The following NCKAP1L variants were observed in gnomAD, a reference collection of about 807,000 sequenced individuals.
NCKAP1L encodes NCK associated protein 1 like.
In NCKAP1L, 53 loss-of-function variants were observed where a neutral mutation model predicts 139.2. The observed-to-expected ratio is 0.38, with a 90% CI of 0.31 to 0.48. The LOEUF is 0.48. Ranked by LOEUF, NCKAP1L falls within the 20% of genes least tolerant of loss-of-function variation. NCKAP1L has a pLI of 0.98. For missense variants in NCKAP1L, 1,151 were observed against 1,381.9 expected (o/e 0.83, Z 2.65); for synonymous variants, 468 against 499.7 (o/e 0.94, Z 0.85).
chr12:54,538,193 C>T (rs1219423185), intron 29 of NCKAP1L, among the ~76,000 whole-genome samples: 2 of 152,188 alleles, frequency 1.3e-5, no homozygotes, highest in Admixed American at 6.5e-5. Context: ...AAGTACATGT[C>T]AGGGATCATA....
rs1956873490 is a variant in NCKAP1L at position 54,509,862 on chromosome 12, C to T, written c.612C>T (p.Ala204=). The T allele has an allele frequency of 1.2e-6, 2 of 1,614,058 alleles. No individual in the cohort carries two copies. Among genetic ancestry groups the T allele is most frequent in the African/African-American group, 2.7e-5 (2 of 74,908 alleles). Residue 204 remains alanine (A), a synonymous_variant, in exon 7 of 31, where the codon GCC becomes GCT. Coordinates refer to ENST00000293373, the MANE Select transcript of NCKAP1L (RefSeq NM_005337.5). Reference sequence around the variant, plus strand: ...TTTCCCCACAGGCTGTGAGTGGAGCCCTCCTCTCTTTGCATTTCCTCTTTG... The same window carrying T: ...TTTCCCCACAGGCTGTGAGTGGAGCTCTCCTCTCTTTGCATTTCCTCTTTG... The part of the protein sequence containing the change: ...FGPHTKAVSG[A]LLSLHFLFVR...
intron 20 of NCKAP1L, 123 bp downstream of exon 20, chr12:54,524,079 C>A: frequency 9.8e-7 from 1 of 1,016,326 alleles, no homozygotes; most frequent in Non-Finnish European, 1.4e-6. Flanking sequence ...GGTCATGCCA[C>A]ACGGTGGAGA....
At chr12:54,535,844 G>A (rs1957109707) in intron 27 of NCKAP1L, among the ~76,000 whole-genome samples, 1 of 152,154 alleles carries the variant, frequency 6.6e-6, no homozygotes, top group Non-Finnish European at 1.5e-5. Context: ...GCAGTGGACA[G>A]GCATCCTAGG....
intron 26 of NCKAP1L, among the ~76,000 whole-genome samples, chr12:54,534,323 G>A (rs1461697011): frequency 2.6e-5 from 4 of 152,238 alleles, no homozygotes; most frequent in African/African-American, 4.8e-5. Context: ...CACTTAATAA[G>A]TGGTGTTGCT....
Position 54,545,487 on chromosome 12 carries a change from G to C in NCKAP1L, c.*2802G>C, listed in dbSNP as rs954051276. ...AGAAGGAGCAAATTGGAGAAGGTGAGGACATGATGGCCTTTACTACCGGAA... is the reference window on the plus strand; with the variant it reads ...AGAAGGAGCAAATTGGAGAAGGTGACGACATGATGGCCTTTACTACCGGAA... On this transcript the variant is annotated 3_prime_UTR_variant, in exon 31 of 31. Coordinates refer to ENST00000293373, the MANE Select transcript of NCKAP1L (RefSeq NM_005337.5). 1 of 152,196 alleles carries C rather than the reference G, an allele frequency of 6.6e-6. No homozygotes were observed. The highest frequency in any genetic ancestry group is 6.5e-5 in the Admixed American group (1 of 15,284). The allele number at this position is 152,196 out of a possible 1,614,324, so 9.4% of individuals were successfully genotyped here. A position where few individuals can be genotyped will look rare whatever the true frequency, so the allele number is the denominator to read the frequency against.
Position 54,520,833 on chromosome 12 carries a change from A to G in NCKAP1L, c.1758+7A>G, listed in dbSNP as rs1246184927. 2 of 1,614,090 alleles carry G rather than the reference A, an allele frequency of 1.2e-6. No individual in the cohort carries two copies. The highest frequency in any genetic ancestry group is 2.2e-5 in the East Asian group (1 of 44,872). On this transcript the variant is annotated splice_region_variant and intron_variant, in intron 17 of 30. Coordinates refer to ENST00000293373, the MANE Select transcript of NCKAP1L (RefSeq NM_005337.5). ...TGAGATGTGCCCAGAGGAGGTAGGT[A>G]TCCTGATCTCCAGACCCTGTCATCT...
chr12:54,500,726 T>C, intron 3 of NCKAP1L, 101 bp downstream of exon 3: 1 of 778,482 alleles, frequency 1.3e-6, no homozygotes. Context: ...CTTGAAAAAA[T>C]GAGAGAGATG....
rs74091308 is a variant in NCKAP1L at position 54,519,549 on chromosome 12, G to A, written c.1625+217G>A. 2.3e-3 allele frequency among the ~76,000 whole-genome samples: 351 copies of A among 151,018 alleles called. 1 individual carries two copies. The highest frequency in any genetic ancestry group is 8.1e-3 in the African/African-American group (332 of 41,020). ...CTCCTAAGTAGCTGGGATTACAGGC[G>A]AGAGCCACCAAGCTCTGAACCAGAG... On this transcript the variant is annotated intron_variant, in intron 16 of 30. Coordinates refer to ENST00000293373, the MANE Select transcript of NCKAP1L (RefSeq NM_005337.5).
At chr12:54,521,310 T>A in intron 18 of NCKAP1L, 72 bp downstream of exon 18, 3 of 1,582,970 alleles carry the variant, frequency 1.9e-6, no homozygotes, top group Non-Finnish European at 2.6e-6. Context: ...TCTAACTTTG[T>A]TTCCCTCTCA....
chr12:54,508,584 G>A, intron 5 of NCKAP1L, 53 bp downstream of exon 5: 1 of 1,565,242 alleles, frequency 6.4e-7, no homozygotes, highest in Non-Finnish European at 8.8e-7. Flanking sequence ...GTGCTATGAT[G>A]TAGAGAGTCC....
chr12:54,504,576 G>A (rs1956826432), intron 3 of NCKAP1L, among the ~76,000 whole-genome samples: 2 of 152,192 alleles, frequency 1.3e-5, no homozygotes, highest in African/African-American at 2.4e-5. Context: ...TGAGCCCAAG[G>A]TGTTTGGTAC....
At chr12:54,516,638 G>T (rs1346636081) in intron 10 of NCKAP1L, among the ~76,000 whole-genome samples, 1 of 151,994 alleles carries the variant, frequency 6.6e-6, no homozygotes, top group African/African-American at 2.4e-5. Context: ...TAGAGACAGG[G>T]TTTTGCCATG....
At chr12:54,499,179 C>T (rs1261450836) in intron 1 of NCKAP1L, among the ~76,000 whole-genome samples, 176 bp from the exon 2 acceptor site, 1 of 152,160 alleles carries the variant, frequency 6.6e-6, no homozygotes, top group African/African-American at 2.4e-5. Flanking sequence ...CTGCCTCGGC[C>T]TCCCGAAGTG....
intron 22 of NCKAP1L, among the ~76,000 whole-genome samples, chr12:54,529,169 G>A (rs1006710364): frequency 1.3e-5 from 2 of 152,144 alleles, no homozygotes; most frequent in African/African-American, 4.8e-5. Context: ...ACTTGCCTAA[G>A]TCCACACATT....
chr12:54,517,700 A>T, intron 12 of NCKAP1L, 58 bp downstream of exon 12: 1 of 1,582,182 alleles, frequency 6.3e-7, no homozygotes. Flanking sequence ...ACAGGGAGGC[A>T]TCAGATGACC....
Position 54,499,374 on chromosome 12 carries a change from C to T in NCKAP1L, c.122C>T (p.Ser41Phe), listed in dbSNP as rs771900121. 1.9e-6 allele frequency: 3 copies of T among 1,607,846 alleles called. No homozygotes were observed. The African/African-American group carries it at 4.0e-5, about 22-fold the overall frequency. The change falls in exon 2 of 31, where the codon TCT becomes TTT. Residue 41 changes from serine (S) to phenylalanine (F), a missense_variant. By Grantham distance (155) the Ser-to-Phe change is radical (BLOSUM62 -2). Transcript: ENST00000293373. ...NIKKTCSDPK[S>F]KPPFLLEKSM... Reference sequence around the variant, plus strand: ...CTGCAGACTTGTTCAGACCCCAAATCTAAGCCACCTTTCTTACTGGAAAAG... The same window carrying T: ...CTGCAGACTTGTTCAGACCCCAAATTTAAGCCACCTTTCTTACTGGAAAAG...
intron 18 of NCKAP1L, among the ~76,000 whole-genome samples, chr12:54,522,954 T>A (rs965280788): frequency 6.6e-6 from 1 of 152,224 alleles, no homozygotes; most frequent in African/African-American, 2.4e-5. Context: ...TGTGGGTAAC[T>A]GTCTCATGAG....
chr12:54,519,410 C>G, intron 16 of NCKAP1L, 78 bp downstream of exon 16: 1 of 909,294 alleles, frequency 1.1e-6, no homozygotes, highest in Non-Finnish European at 1.5e-6. Context: ...ATGCCACTTA[C>G]TTCAAAGAAT....
intron 3 of NCKAP1L, among the ~76,000 whole-genome samples, chr12:54,505,787 C>G (rs1035682675): frequency 1.3e-5 from 2 of 152,016 alleles, no homozygotes; most frequent in African/African-American, 2.4e-5. Context: ...CTCAGCCTCC[C>G]AAGTAGCTGG....
Sources: gnomAD v4.1 joint callset for allele counts (sites outside exome capture counted in the v4.1 genomes callset) on GRCh38, gnomAD v4.1.1 for gene constraint, MANE v1.5 for transcripts, NCBI Gene and HGNC (gene_info 2026-07-23, HGNC 2026-07-21) for gene names.